Variants in RTL4 observed in about 807,000 individuals in gnomAD.
RTL4 encodes the protein retrotransposon Gag-like protein 4.
RTL4 carries 4 observed loss-of-function variants against 5.3 expected under a neutral mutation model. The ratio of observed to expected loss-of-function variants is 0.75; its 90% CI spans 0.37 to 1.72. RTL4 has a LOEUF of 1.72. Among genes scored for constraint, RTL4 ranks in the 40% most tolerant of loss-of-function variants. The pLI is 0.04. For missense variants in RTL4, 260 were observed against 227.1 expected, an observed-to-expected ratio of 1.14 and a Z score of -0.93; for synonymous variants, 98 against 87.3, an observed-to-expected ratio of 1.12 and a Z score of -0.68.
At chrX:112,359,357 T>G in the RTL4 span, among the ~76,000 whole-genome samples, 1 of 111,855 alleles carries the variant, frequency 8.9e-6, no homozygotes, top group Non-Finnish European at 1.9e-5. Flanking sequence ...CTGTAGTCAC[T>G]CTGTTGTGCT....
chrX:112,347,875 T>A, the RTL4 span, among the ~76,000 whole-genome samples: 1 of 111,295 alleles, frequency 9.0e-6, no homozygotes, highest in African/African-American at 3.3e-5. Flanking sequence ...TTTATACTTT[T>A]GAGATTACAG....
At chrX:112,407,523 G>A in the RTL4 span, among the ~76,000 whole-genome samples, 1 of 112,321 alleles carries the variant, frequency 8.9e-6, no homozygotes, top group Admixed American at 9.4e-5. Flanking sequence ...GTTTTTGACT[G>A]CAGTCCCTGG....
chrX:112,375,593 T>C, the RTL4 span, among the ~76,000 whole-genome samples: 1 of 111,323 alleles, frequency 9.0e-6, no homozygotes, highest in East Asian at 2.8e-4. Flanking sequence ...GGAGGGATGA[T>C]GTGGGTAAAT....
At chrX:112,281,699 T>G in the RTL4 span, among the ~76,000 whole-genome samples, 1 of 111,444 alleles carries the variant, frequency 9.0e-6, no homozygotes, top group Non-Finnish European at 1.9e-5. Context: ...GGTGTTGAGG[T>G]GCTATCTCAT....
chrX:112,222,547 G>T, the RTL4 span, among the ~76,000 whole-genome samples: 1 of 109,567 alleles, frequency 9.1e-6, no homozygotes, highest in South Asian at 4.1e-4. Context: ...AGGCAACATA[G>T]TGAGACCTCA....
At chrX:112,454,752 A>G (rs1569329579) in exon 1 of RTL4, 1 of 1,191,745 alleles carries the variant, frequency 8.4e-7, no homozygotes, top group East Asian at 3.0e-5. Context: ...CGAAATCATC[A>G]TCTACCATGC....
chrX:112,378,094 C>A, the RTL4 span, among the ~76,000 whole-genome samples: 1 of 111,345 alleles, frequency 9.0e-6, no homozygotes, highest in Non-Finnish European at 1.9e-5. Context: ...CCAGAGGGCA[C>A]AAGTAAGCTG....
At chrX:112,368,996 A>G in the RTL4 span, among the ~76,000 whole-genome samples, 1,716 of 112,808 alleles carry the variant, frequency 0.015, 36 homozygotes, top group African/African-American at 0.052. Flanking sequence ...GGCACTTAGA[A>G]TGCATCTGCA....
the RTL4 span, among the ~76,000 whole-genome samples, chrX:112,307,020 T>C: frequency 9.0e-6 from 1 of 111,393 alleles, no homozygotes; most frequent in African/African-American, 3.3e-5. Flanking sequence ...GATCCCAGTT[T>C]TTTTCATGTT....
At chrX:112,136,387 A>T in the RTL4 span, among the ~76,000 whole-genome samples, 1 of 111,833 alleles carries the variant, frequency 8.9e-6, no homozygotes, top group South Asian at 3.7e-4. Flanking sequence ...GTGAGAGTGG[A>T]TATCCATGCC....
the RTL4 span, among the ~76,000 whole-genome samples, chrX:112,303,120 G>A: frequency 9.9e-5 from 11 of 111,484 alleles, no homozygotes; most frequent in Admixed American, 3.8e-4. Flanking sequence ...ACTATCAACC[G>A]TGGTCCACGT....
chrX:112,300,909 G>A, the RTL4 span, among the ~76,000 whole-genome samples: 3 of 111,324 alleles, frequency 2.7e-5, no homozygotes, highest in African/African-American at 6.5e-5. Flanking sequence ...CACTAAAGAA[G>A]CCAGAGATCA....
At chrX:112,183,963 A>T in the RTL4 span, among the ~76,000 whole-genome samples, 10 of 111,151 alleles carry the variant, frequency 9.0e-5, no homozygotes, top group African/African-American at 3.3e-4. Flanking sequence ...TGGCAGCATG[A>T]TTTATAATCC....
chrX:112,178,135 A>G, the RTL4 span, among the ~76,000 whole-genome samples: 23 of 111,258 alleles, frequency 2.1e-4, no homozygotes, highest in African/African-American at 7.2e-4. Context: ...AGGAAATCCA[A>G]TCAATGTGGC....
the RTL4 span, among the ~76,000 whole-genome samples, chrX:112,219,055 T>G: frequency 8.9e-6 from 1 of 112,018 alleles, no homozygotes; most frequent in East Asian, 2.8e-4. Context: ...AAATGGGACT[T>G]GACTTAGGCC....
the RTL4 span, among the ~76,000 whole-genome samples, chrX:112,355,469 T>C: frequency 9.0e-6 from 1 of 111,332 alleles, no homozygotes; most frequent in Non-Finnish European, 1.9e-5. Flanking sequence ...CATTTTGAGT[T>C]AGAAAAGGAG....
At chrX:112,417,430 G>A in the RTL4 span, among the ~76,000 whole-genome samples, 1 of 111,607 alleles carries the variant, frequency 9.0e-6, no homozygotes, top group African/African-American at 3.3e-5. Context: ...TCAATGCAAG[G>A]GTCACAAACT....
the RTL4 span, among the ~76,000 whole-genome samples, chrX:112,106,546 G>A: frequency 2.7e-5 from 3 of 111,801 alleles, no homozygotes; most frequent in Non-Finnish European, 5.7e-5. Flanking sequence ...TCCAGCAGTG[G>A]GATTACTGGA....
chrX:112,323,523 ACT>A, the RTL4 span, among the ~76,000 whole-genome samples: 1 of 109,189 alleles, frequency 9.2e-6, no homozygotes, highest in Middle Eastern at 4.7e-3. Flanking sequence ...ACAGAGTCTC[ACT>A]CTGTTTCCCA....
Sources: gnomAD v4.1 joint callset for allele counts (sites outside exome capture counted in the v4.1 genomes callset) on GRCh38, gnomAD v4.1.1 for gene constraint, MANE v1.5 for transcripts, NCBI Gene and HGNC (gene_info 2026-07-23, HGNC 2026-07-21) for gene names.